Variants in GNAQ observed in about 807,000 individuals in gnomAD.
GNAQ encodes the protein guanine nucleotide-binding protein G(q) subunit alpha.
GNAQ carries 8 observed loss-of-function variants against 43.9 expected under a neutral mutation model. The ratio of observed to expected loss-of-function variants is 0.18; its 90% CI spans 0.11 to 0.33. The LOEUF is 0.33. Among genes scored for constraint, GNAQ ranks in the 10% least tolerant of loss-of-function variants. GNAQ has a pLI of 1.00. For synonymous variants in GNAQ, 155 were observed against 170.7 expected (o/e 0.91, Z 0.71); for missense variants, 158 against 450.8 (o/e 0.35, Z 5.88).
intron 1 of GNAQ, among the ~76,000 whole-genome samples, chr9:78,005,870 G>C (rs1385074084): frequency 6.6e-6 from 1 of 152,152 alleles, no homozygotes; most frequent in African/African-American, 2.4e-5. Context: ...TGTATTACAA[G>C]AAAGCAAAAT....
chr9:77,730,496 A>C (rs1825471393), intron 5 of GNAQ, among the ~76,000 whole-genome samples: 1 of 152,184 alleles, frequency 6.6e-6, no homozygotes. Context: ...AAAGTGTGCC[A>C]ATTCAAATCA....
intron 1 of GNAQ, among the ~76,000 whole-genome samples, chr9:77,950,261 A>G (rs1822959427): frequency 6.6e-6 from 1 of 152,210 alleles, no homozygotes; most frequent in Non-Finnish European, 1.5e-5. Flanking sequence ...ATTTGGGGGA[A>G]GTAACTCATT....
chr9:78,030,457 G>T (rs957375751), intron 1 of GNAQ: 1 of 464,172 alleles, frequency 2.2e-6, no homozygotes, highest in African/African-American at 2.0e-5. Context: ...TTGCCCTCCC[G>T]CCTCGCCCCC....
intron 2 of GNAQ, among the ~76,000 whole-genome samples, chr9:77,846,935 G>C (rs1341256471): frequency 6.6e-6 from 1 of 152,126 alleles, no homozygotes; most frequent in African/African-American, 2.4e-5. Context: ...GACAGGACTA[G>C]ACTTTTGCCC....
chr9:77,762,081 T>G (rs1202054452), intron 5 of GNAQ, among the ~76,000 whole-genome samples: 1 of 105,176 alleles, frequency 9.5e-6, no homozygotes, highest in South Asian at 3.5e-4. Context: ...GGTGGGGGGG[T>G]CAGCCCCCCG....
In GNAQ at chr9:77,900,793, C is replaced by G. The variant is rs1419959057; in HGVS notation, c.321+21368G>C. On this transcript the variant is annotated intron_variant, in intron 2 of 6. Coordinates refer to ENST00000286548, the MANE Select transcript of GNAQ (RefSeq NM_002072.5). The stretch of plus-strand genomic sequence containing the variant: ...TGGCAGAAGACCGTACCAGTTCAGA[C>G]AAAATTGACTAGCACTGTCTGTTAA... Among the ~76,000 whole-genome samples the G allele has an allele frequency of 3.9e-5, 6 of 152,162 alleles. No homozygotes were observed. In the East Asian group the frequency reaches 1.2e-3, roughly 29 times the overall value.
At chr9:77,946,647 A>G (rs952067501) in intron 1 of GNAQ, among the ~76,000 whole-genome samples, 17 of 152,342 alleles carry the variant, frequency 1.1e-4, no homozygotes, top group African/African-American at 4.1e-4. Flanking sequence ...AAAATAAAAT[A>G]AAATGAAACC....
chr9:77,788,529 A>C (rs561844970), intron 5 of GNAQ, among the ~76,000 whole-genome samples: 1 of 152,362 alleles, frequency 6.6e-6, no homozygotes, highest in East Asian at 1.9e-4. Context: ...ATAAATGCCA[A>C]CATGAGGCCA....
intron 5 of GNAQ, among the ~76,000 whole-genome samples, chr9:77,731,441 CTG>C (rs952586988): frequency 5.9e-4 from 90 of 152,320 alleles, no homozygotes; most frequent in African/African-American, 2.1e-3. Flanking sequence ...TGCATGCAGT[CTG>C]GGGCTGCTCA....
At chr9:77,795,788 A>T (rs1176790918) in intron 4 of GNAQ, among the ~76,000 whole-genome samples, 1 of 152,226 alleles carries the variant, frequency 6.6e-6, no homozygotes, top group Non-Finnish European at 1.5e-5. Context: ...TCATTCCATG[A>T]AACTCTGTCA....
At chr9:77,738,785 C>A (rs553095211) in intron 5 of GNAQ, among the ~76,000 whole-genome samples, 1 of 152,210 alleles carries the variant, frequency 6.6e-6, no homozygotes, top group East Asian at 1.9e-4. Context: ...ATGGGGTCTG[C>A]AGCTACTATA....
chr9:77,721,747 G>A (rs1825317932), intron 6 of GNAQ, among the ~76,000 whole-genome samples: 1 of 152,074 alleles, frequency 6.6e-6, no homozygotes, highest in African/African-American at 2.4e-5. Context: ...TGACTTGAAA[G>A]CCAAGGCTAA....
rs1421201723 is a variant in GNAQ at position 77,719,878 on chromosome 9, A to G, written c.*1445T>C. On this transcript the variant is annotated 3_prime_UTR_variant, in exon 7 of 7. Coordinates refer to ENST00000286548, the MANE Select transcript of GNAQ (RefSeq NM_002072.5). ...AGTCCACAAATCTTCCATAAGTTCA[A>G]CCTAATCAGTTACCAGTTCAAGAAG... 2 of 232,414 alleles carry G rather than the reference A, an allele frequency of 8.6e-6. No individual in the cohort carries two copies. The highest frequency in any genetic ancestry group is 4.4e-5 in the African/African-American group (2 of 45,312). 14.4% of individuals were successfully genotyped at this position (232,414 alleles called of 1,614,324 possible). A position where few individuals can be genotyped will look rare whatever the true frequency, so the allele number is the denominator to read the frequency against.
chr9:77,817,997 CAAAAAACAA>C (rs1236935730), intron 2 of GNAQ, among the ~76,000 whole-genome samples: 1 of 149,920 alleles, frequency 6.7e-6, no homozygotes, highest in African/African-American at 2.5e-5. Flanking sequence ...CTTTTGACTG[CAAAAAACAA>C]AAAAAACAAA....
chr9:77,780,719 T>G (rs1397639603), intron 5 of GNAQ, among the ~76,000 whole-genome samples: 2 of 152,056 alleles, frequency 1.3e-5, no homozygotes, highest in Non-Finnish European at 2.9e-5. Flanking sequence ...TTAGTTTACG[T>G]TCTCACCAAT....
At position 77,944,703 on chromosome 9, in the gene GNAQ, A is replaced by G. The variant is rs116219984; in HGVS notation, c.137-22358T>C. ...ACTTTGACACTAACTTAGCTTGCCC[A>G]GTGTGAAATTAACTGTGTAAAGTAC... On this transcript the variant is annotated intron_variant, in intron 1 of 6. Transcript: ENST00000286548. 1.2e-3 allele frequency among the ~76,000 whole-genome samples: 185 copies of G among 152,352 alleles called. 1 individual carries two copies. The highest frequency in any genetic ancestry group is 4.1e-3 in the African/African-American group (171 of 41,576).
intron 1 of GNAQ, among the ~76,000 whole-genome samples, chr9:78,025,785 G>C (rs1823972161): frequency 6.6e-6 from 1 of 152,094 alleles, no homozygotes; most frequent in African/African-American, 2.4e-5. Flanking sequence ...CAGAATATTA[G>C]TAGAATAACT....
At chr9:77,722,148 T>C (rs1825325027) in intron 6 of GNAQ, among the ~76,000 whole-genome samples, 1 of 152,010 alleles carries the variant, frequency 6.6e-6, no homozygotes, top group Non-Finnish European at 1.5e-5. Context: ...TTTCTTTTTT[T>C]TTTTTTGAGA....
intron 6 of GNAQ, among the ~76,000 whole-genome samples, chr9:77,722,934 A>T (rs1825339709): frequency 6.6e-6 from 1 of 152,206 alleles, no homozygotes; most frequent in South Asian, 2.1e-4. Flanking sequence ...ATGAGCTACC[A>T]CACCTGGCCA....
Sources: gnomAD v4.1 joint callset for allele counts (sites outside exome capture counted in the v4.1 genomes callset) on GRCh38, gnomAD v4.1.1 for gene constraint, MANE v1.5 for transcripts, NCBI Gene and HGNC (gene_info 2026-07-23, HGNC 2026-07-21) for gene names.